The following FRAS1 variants were observed in gnomAD, a reference collection of about 807,000 sequenced individuals.
FRAS1 encodes the protein extracellular matrix organizing protein FRAS1.
A neutral mutation model predicts 435.2 loss-of-function variants in FRAS1; 290 were observed. The observed-to-expected ratio is 0.67, with a 90% confidence interval of 0.61 to 0.73. The LOEUF is 0.73. FRAS1 is among the 30% of genes least tolerant of loss of function. The pLI is 0.00. For synonymous variants in FRAS1, 1,800 were observed against 1,851.0 expected, an observed-to-expected ratio of 0.97 and a Z score of 0.71; for missense variants, 4,860 against 5,001.5, an observed-to-expected ratio of 0.97 and a Z score of 0.85.
chr4:78,449,634 G>A (rs1170261093), intron 44 of FRAS1, among the ~76,000 whole-genome samples: 1 of 152,162 alleles, frequency 6.6e-6, no homozygotes, highest in Non-Finnish European at 1.5e-5. Flanking sequence ...AGTGTCCAGG[G>A]CCCAGAGGCT....
In FRAS1 at chr4:78,255,320, G is replaced by C; in HGVS notation, c.548G>C (p.Arg183Thr). ...RLSRCAKCLC[R>T]NGVAQCFTAQ... ...AGCCGGTGTGCCAAATGTCTGTGTA[G>C]AAATGGGGTTGCCCAGTGCTTCACA... The change falls in exon 6 of 74, where the codon AGA (arginine) becomes ACA (threonine). Residue 183 changes from arginine (R) to threonine (T), a missense_variant. Transcript: ENST00000512123. 1 of 1,575,848 alleles carries C rather than the reference G, an allele frequency of 6.3e-7. No individual in the cohort carries two copies. Among genetic ancestry groups the C allele is most frequent in the Non-Finnish European group, 8.6e-7 (1 of 1,159,876 alleles).
At chr4:78,467,983 A>G (rs1166365723) in intron 50 of FRAS1, among the ~76,000 whole-genome samples, 1 of 152,334 alleles carries the variant, frequency 6.6e-6, no homozygotes, top group African/African-American at 2.4e-5. Flanking sequence ...AATCCCTTGT[A>G]GATGAGTAGA....
At chr4:78,255,134 C>A in intron 5 of FRAS1, 108 bp from the exon 6 acceptor site, 6 of 1,019,290 alleles carry the variant, frequency 5.9e-6, no homozygotes, top group Non-Finnish European at 9.0e-6. Flanking sequence ...GGACCTCCTT[C>A]TGTGCACTGG....
intron 59 of FRAS1, among the ~76,000 whole-genome samples, chr4:78,492,093 G>A (rs1720368554): frequency 6.6e-6 from 1 of 152,072 alleles, no homozygotes; most frequent in Non-Finnish European, 1.5e-5. Flanking sequence ...AACTTACAAG[G>A]GACATGAAGG....
chr4:78,513,651 T>G, intron 65 of FRAS1, 99 bp downstream of exon 65: 1 of 1,085,872 alleles, frequency 9.2e-7, no homozygotes, highest in Non-Finnish European at 1.4e-6. Flanking sequence ...TGTTTTCTGG[T>G]CCTCAGAATC....
chr4:78,089,384 C>A (rs979079111), intron 2 of FRAS1, among the ~76,000 whole-genome samples: 8 of 152,012 alleles, frequency 5.3e-5, no homozygotes, highest in East Asian at 1.9e-4. Context: ...ACATATGTAA[C>A]AAACCTGCAC....
chr4:78,243,933 T>A (rs1228824809), intron 3 of FRAS1, among the ~76,000 whole-genome samples: 1 of 152,158 alleles, frequency 6.6e-6, no homozygotes, highest in African/African-American at 2.4e-5. Flanking sequence ...CTAATGTAGT[T>A]TCTCTAATTG....
rs1043450519 is a variant in FRAS1, at chr4:78,516,112, C to A, written c.10389+99C>A. The A allele has an allele frequency of 3.4e-6, 3 of 872,626 alleles. No homozygotes were observed. In the African/African-American group the frequency reaches 5.1e-5, roughly 15 times the overall value. 54.1% of individuals were successfully genotyped at this position (872,626 alleles called of 1,614,324 possible). A position where few individuals can be genotyped will look rare whatever the true frequency, so the allele number is the denominator to read the frequency against. On this transcript the variant is annotated intron_variant, in intron 66 of 73. Coordinates refer to ENST00000512123, the MANE Select transcript of FRAS1 (RefSeq NM_025074.7). ...TTCAATTAGCACTTTGCCTCCAGAA[C>A]TGGGACAACCAACTAAGGGAGTCTT...
At chr4:78,081,072 A>G (rs1327935675) in intron 2 of FRAS1, among the ~76,000 whole-genome samples, 1 of 152,172 alleles carries the variant, frequency 6.6e-6, no homozygotes, top group Non-Finnish European at 1.5e-5. Context: ...TTCAACGCTG[A>G]AAACAACTGG....
chr4:78,362,895 T>C (rs1477103268), intron 20 of FRAS1, among the ~76,000 whole-genome samples: 1 of 152,108 alleles, frequency 6.6e-6, no homozygotes, highest in Non-Finnish European at 1.5e-5. Flanking sequence ...GGGTGGGGCA[T>C]ACCATAGGTA....
intron 26 of FRAS1, chr4:78,379,418 T>G: frequency 3.2e-6 from 1 of 308,462 alleles, no homozygotes; most frequent in South Asian, 4.1e-5. Context: ...ATGGAACGTG[T>G]GTCAAAGAAC....
intron 20 of FRAS1, among the ~76,000 whole-genome samples, chr4:78,346,687 A>G (rs1730614705): frequency 6.6e-6 from 1 of 152,116 alleles, no homozygotes; most frequent in African/African-American, 2.4e-5. Flanking sequence ...TAGAAGATTT[A>G]TATTATCTGA....
Position 78,255,254 on chromosome 4 carries a change from A to T in FRAS1, c.482A>T (p.Tyr161Phe). The T allele has an allele frequency of 6.4e-7, 1 of 1,552,302 alleles. No individual in the cohort carries two copies. ...TTTGACCTTCCAGAACCCTGTTCCT[A>T]TGAAGGCCATGTGTTTCAGGATGGG... ...VCVGLGKPCS[Y>F]EGHVFQDGED... Residue 161 changes from tyrosine to phenylalanine, a missense_variant, in exon 6 of 74, where the codon TAT (tyrosine) becomes TTT (phenylalanine). Tyr to Phe is a conservative substitution (Grantham distance 22). Transcript: ENST00000512123.
At chr4:78,102,660 A>T (rs1407797798) in intron 2 of FRAS1, among the ~76,000 whole-genome samples, 3 of 152,222 alleles carry the variant, frequency 2.0e-5, no homozygotes, top group African/African-American at 7.2e-5. Context: ...CAAGCCAAAT[A>T]TATAGTGAGG....
chr4:78,321,836 G>T (rs977119414), intron 18 of FRAS1, among the ~76,000 whole-genome samples: 1 of 96,920 alleles, frequency 1.0e-5, no homozygotes, highest in Non-Finnish European at 2.0e-5. Context: ...ACAAAACTTC[G>T]TCAAAAAAAA....
At chr4:78,495,084 T>G (rs573354810) in intron 59 of FRAS1, among the ~76,000 whole-genome samples, 4 of 152,308 alleles carry the variant, frequency 2.6e-5, no homozygotes, top group South Asian at 4.1e-4. Context: ...ATTACTAATC[T>G]TTCATATGCT....
At chr4:78,509,255 G>T (rs1720954581) in intron 63 of FRAS1, among the ~76,000 whole-genome samples, 1 of 152,128 alleles carries the variant, frequency 6.6e-6, no homozygotes, top group Non-Finnish European at 1.5e-5. Flanking sequence ...ATGTTAAGAG[G>T]TTACTTAATC....
chr4:78,438,967 A>G lies in FRAS1; in HGVS notation c.5432A>G (p.Asp1811Gly). ...VTDSFYFSVS[D>G]MDHNHLDNQI... ...GATAGCTTCTATTTCTCTGTCTCTG[A>G]CATGGACCACAACCATCTGGATAAT... Residue 1811 changes from aspartate to glycine, a missense_variant, in exon 40 of 74, where the codon GAC becomes GGC. Physicochemically the swap from Asp to Gly is moderately conservative, Grantham distance 94. Coordinates refer to ENST00000512123, the MANE Select transcript of FRAS1 (RefSeq NM_025074.7). 6.2e-7 allele frequency: 1 copy of G among 1,613,432 alleles called. No homozygotes were observed. The highest frequency in any genetic ancestry group is 1.1e-5 in the South Asian group (1 of 90,990).
intron 35 of FRAS1, among the ~76,000 whole-genome samples, chr4:78,428,507 T>A (rs1734081553): frequency 6.6e-6 from 1 of 152,120 alleles, no homozygotes; most frequent in South Asian, 2.1e-4. Context: ...TATTTTTTAG[T>A]AGAGATGGGG....
Sources: gnomAD v4.1 joint callset for allele counts (sites outside exome capture counted in the v4.1 genomes callset) on GRCh38, gnomAD v4.1.1 for gene constraint, MANE v1.5 for transcripts, NCBI Gene and HGNC (gene_info 2026-07-23, HGNC 2026-07-21) for gene names.